Variants in GRM7 observed in about 807,000 individuals in gnomAD.
GRM7 encodes glutamate metabotropic receptor 7.
Under a neutral mutation model 84.5 loss-of-function variants are expected in GRM7, and 35 were observed. The observed-to-expected ratio is 0.41, with a 90% CI of 0.32 to 0.55. GRM7 has a LOEUF of 0.55. Ranked by LOEUF, GRM7 falls within the 20% of genes least tolerant of loss-of-function variation. The probability of loss-of-function intolerance (pLI) is 0.19; values close to 1 mark genes in which losing one functional copy is unlikely to be tolerated. For missense variants in GRM7, 1,003 were observed against 1,194.6 expected (o/e 0.84, Z 2.36); for synonymous variants, 487 against 455.1 (o/e 1.07, Z -0.89).
chr3:7,137,469 T>A (rs1574949904), intron 1 of GRM7, among the ~76,000 whole-genome samples: 1 of 152,262 alleles, frequency 6.6e-6, no homozygotes, highest in Middle Eastern at 3.4e-3. Flanking sequence ...AAAATTTATA[T>A]GATAATTTTG....
chr3:7,666,979 T>C (rs1186725367), intron 8 of GRM7, among the ~76,000 whole-genome samples: 2 of 152,084 alleles, frequency 1.3e-5, no homozygotes, highest in African/African-American at 4.8e-5. Flanking sequence ...ATTTTTGACA[T>C]TGAGATGCCT....
At chr3:7,452,534 T>C in intron 5 of GRM7, 73 bp from the exon 6 acceptor site, 1 of 1,000,340 alleles carries the variant, frequency 1.0e-6, no homozygotes, top group Non-Finnish European at 1.6e-6. Context: ...ACTTTTAAAT[T>C]TGGACATTCT....
Position 7,486,292 on chromosome 3 carries a change from G to A in GRM7, c.1515+24570G>A, listed in dbSNP as rs983353067. Among the ~76,000 whole-genome samples the A allele has an allele frequency of 6.6e-6, 1 of 152,052 alleles. No individual in the cohort carries two copies. The highest frequency in any genetic ancestry group is 1.5e-5 in the Non-Finnish European group (1 of 68,008). On this transcript the variant is annotated intron_variant, in intron 7 of 9. Transcript: ENST00000357716. This position sits in a 1 kb window ranked among gnomAD's most constrained non-coding sequence, Gnocchi z 5.5. Reference sequence around the variant, plus strand: ...AAGAAATGATGGTAATGATAATGGCGATGATGGTGATAAAAGGTAGGAAGA... The same window carrying A: ...AAGAAATGATGGTAATGATAATGGCAATGATGGTGATAAAAGGTAGGAAGA...
chr3:7,308,480 A>C (rs1055058504), intron 4 of GRM7, among the ~76,000 whole-genome samples: 1 of 152,208 alleles, frequency 6.6e-6, no homozygotes, highest in African/African-American at 2.4e-5. Context: ...CACATTCTTA[A>C]GTGATTATGT....
intron 4 of GRM7, among the ~76,000 whole-genome samples, chr3:7,412,226 G>C (rs1695970805): frequency 6.6e-6 from 1 of 152,134 alleles, no homozygotes. Context: ...GAAGCCTTGG[G>C]TGCCCCCTGG....
At chr3:7,310,594 T>C (rs1287439319) in intron 4 of GRM7, among the ~76,000 whole-genome samples, 1 of 152,200 alleles carries the variant, frequency 6.6e-6, no homozygotes, top group Non-Finnish European at 1.5e-5. Context: ...ACCACAATGC[T>C]GCTTCTAAGC....
chr3:6,940,590 A>G (rs1697857068), intron 1 of GRM7, among the ~76,000 whole-genome samples: 1 of 152,200 alleles, frequency 6.6e-6, no homozygotes, highest in Admixed American at 6.5e-5. Context: ...ATTTTTTAAA[A>G]GAACCTACAG....
intron 4 of GRM7, among the ~76,000 whole-genome samples, chr3:7,372,706 T>A (rs1408791768): frequency 2.6e-5 from 4 of 152,180 alleles, no homozygotes; most frequent in African/African-American, 9.7e-5. Flanking sequence ...GTCATCTTTG[T>A]CAAGGACAAT....
chr3:6,924,895 G>T (rs774922751), intron 1 of GRM7, among the ~76,000 whole-genome samples: 9 of 152,122 alleles, frequency 5.9e-5, no homozygotes, highest in Non-Finnish European at 1.3e-4. Flanking sequence ...GAAATTTTCA[G>T]AAAAGCCTGT....
chr3:7,577,485 G>T (rs1695024426), intron 7 of GRM7, among the ~76,000 whole-genome samples: 1 of 152,134 alleles, frequency 6.6e-6, no homozygotes, highest in African/African-American at 2.4e-5. Flanking sequence ...CTGATACCGG[G>T]GAAGAGAAAA....
intron 2 of GRM7, among the ~76,000 whole-genome samples, chr3:7,165,285 C>A (rs939036980): frequency 6.6e-6 from 1 of 152,188 alleles, no homozygotes; most frequent in Admixed American, 6.5e-5. Context: ...CAGTACAGGA[C>A]AATCACAAGC....
chr3:6,958,095 GTA>G (rs1553601427), intron 1 of GRM7, among the ~76,000 whole-genome samples: 4 of 151,546 alleles, frequency 2.6e-5, no homozygotes, highest in Admixed American at 6.6e-5. Flanking sequence ...GTGTGTGTGT[GTA>G]TATATATATA....
At chr3:7,410,914 C>T (rs542624572) in intron 4 of GRM7, among the ~76,000 whole-genome samples, 30 of 152,208 alleles carry the variant, frequency 2.0e-4, no homozygotes, top group African/African-American at 2.4e-4. Context: ...TATTCTCTTA[C>T]GGTTCTGGGG....
At chr3:7,309,784 C>T (rs185582076) in intron 4 of GRM7, among the ~76,000 whole-genome samples, 48 of 152,238 alleles carry the variant, frequency 3.2e-4, no homozygotes, top group African/African-American at 1.1e-3. Flanking sequence ...CATTTCCCCC[C>T]TTTCGATTTA....
At chr3:7,317,516 C>T (rs958795102) in intron 4 of GRM7, among the ~76,000 whole-genome samples, 2 of 152,020 alleles carry the variant, frequency 1.3e-5, no homozygotes, top group African/African-American at 4.8e-5. Flanking sequence ...CAGCATGATT[C>T]AATTTACTTC....
At chr3:7,542,608 C>T (rs1394398640) in intron 7 of GRM7, among the ~76,000 whole-genome samples, 3 of 149,586 alleles carry the variant, frequency 2.0e-5, no homozygotes, top group African/African-American at 5.0e-5. Flanking sequence ...AGTGCAGTCA[C>T]ACAATCTTGG....
chr3:7,613,675 C>T (rs1696948295), intron 8 of GRM7, among the ~76,000 whole-genome samples: 1 of 152,130 alleles, frequency 6.6e-6, no homozygotes, highest in Non-Finnish European at 1.5e-5. Flanking sequence ...GTTAGATAAT[C>T]TGGGCCTTAA....
chr3:6,918,948 G>A (rs2125028112), intron 1 of GRM7, among the ~76,000 whole-genome samples: 1 of 152,284 alleles, frequency 6.6e-6, no homozygotes, highest in Admixed American at 6.5e-5. Flanking sequence ...ATGTGACACA[G>A]GAAGCAGTGG....
chr3:7,593,804 G>A (rs1695909677), intron 8 of GRM7, among the ~76,000 whole-genome samples: 1 of 152,236 alleles, frequency 6.6e-6, no homozygotes, highest in East Asian at 1.9e-4. Flanking sequence ...TTATGTTTTA[G>A]AACGACCACT....
Sources: gnomAD v4.1 joint callset for allele counts (sites outside exome capture counted in the v4.1 genomes callset) on GRCh38, gnomAD v4.1.1 for gene constraint, Gnocchi (gnomAD v3.1) non-coding constraint, MANE v1.5 for transcripts, NCBI Gene and HGNC (gene_info 2026-07-23, HGNC 2026-07-21) for gene names.